Variants in HEPH observed in about 807,000 individuals in gnomAD.
HEPH encodes the protein hephaestin.
A neutral mutation model predicts 80.8 loss-of-function variants in HEPH; 69 were observed. That is an observed-to-expected ratio of 0.85 (90% CI 0.70 to 1.04). The LOEUF is 1.04. Ranked by LOEUF, HEPH falls within the 50% of genes least tolerant of loss-of-function variation. HEPH has a pLI of 0.00. For synonymous variants in HEPH, 431 were observed against 322.8 expected (o/e 1.34, Z -3.60); for missense variants, 1,115 against 891.3 (o/e 1.25, Z -3.20).
rs1282633743 is a variant in HEPH at position 66,231,215 on chromosome X, C to T, written c.2563+22969C>T. 5.5e-5 allele frequency among the ~76,000 whole-genome samples: 6 copies of T among 109,090 alleles called. No homozygotes were observed. In the South Asian group the frequency reaches 2.0e-3, roughly 36 times the overall value. The allele number at this position is 109,090 out of a possible 115,157, so 94.7% of individuals were successfully genotyped here. A position where few individuals can be genotyped will look rare whatever the true frequency, so the allele number is the denominator to read the frequency against. ...TAGTTTGAAGTCAGGTAGTGTGATG[C>T]CTCCAGCTTTGTTCTTTTGGCTTAG... On this transcript the variant is annotated intron_variant, in intron 15 of 20. Transcript: ENST00000343002.
intron 6 of HEPH, among the ~76,000 whole-genome samples, chrX:66,190,931 C>T: frequency 9.0e-6 from 1 of 111,572 alleles, no homozygotes. Flanking sequence ...GACAGACATG[C>T]TTGGATTCAA....
chrX:66,222,038 G>T (rs1375744916), intron 15 of HEPH, among the ~76,000 whole-genome samples: 2 of 112,882 alleles, frequency 1.8e-5, no homozygotes, highest in Non-Finnish European at 3.7e-5. Context: ...TTATTTGGCA[G>T]AGTGCCCAGT....
chrX:66,178,490 T>G (rs1382636528), intron 4 of HEPH, among the ~76,000 whole-genome samples: 1 of 112,588 alleles, frequency 8.9e-6, no homozygotes, highest in Non-Finnish European at 1.9e-5. Flanking sequence ...AAATGGCATT[T>G]CTAGTTCTAG....
intron 7 of HEPH, among the ~76,000 whole-genome samples, 157 bp downstream of exon 7, chrX:66,192,455 C>T (rs951178429): frequency 9.0e-6 from 1 of 111,625 alleles, no homozygotes; most frequent in Non-Finnish European, 1.9e-5. Context: ...TCTTGTGTCC[C>T]CCTGGAGAGC....
At chrX:66,187,206 C>G (rs2087506709) in intron 4 of HEPH, among the ~76,000 whole-genome samples, 4 of 111,313 alleles carry the variant, frequency 3.6e-5, no homozygotes, top group Non-Finnish European at 7.5e-5. Flanking sequence ...TCTGGTGCCT[C>G]CCTGATTAGC....
chrX:66,242,977 G>A (rs1602494786), intron 15 of HEPH, among the ~76,000 whole-genome samples: 1 of 111,670 alleles, frequency 9.0e-6, no homozygotes, highest in Admixed American at 9.5e-5. Context: ...AACTTAAAAC[G>A]GAACTACTGT....
rs1569321062 is a variant in HEPH at position 66,198,889 on chromosome X, T to C, written c.1725T>C (p.Asp575=). The C allele has an allele frequency of 8.3e-7, 1 of 1,198,943 alleles. No individual in the cohort carries two copies. The highest frequency in any genetic ancestry group is 1.1e-6 in the Non-Finnish European group (1 of 884,114). The change falls in exon 11 of 21, where the codon GAT becomes GAC. Residue 575 remains aspartate, a synonymous_variant. Coordinates refer to ENST00000343002, the MANE Select transcript of HEPH (RefSeq NM_001367233.3). ...TATTGGGCCTGCAGAAAGGGGTGGATAAAGAATTCTTTCTTCTCTTCACTG... is the reference window on the plus strand; with the variant it reads ...TATTGGGCCTGCAGAAAGGGGTGGACAAAGAATTCTTTCTTCTCTTCACTG... ...LGADGKQKGV[D]KEFFLLFTVL...
chrX:66,169,071 C>T (rs939443590), intron 1 of HEPH, among the ~76,000 whole-genome samples: 3 of 111,109 alleles, frequency 2.7e-5, no homozygotes, highest in African/African-American at 9.8e-5. Flanking sequence ...AGCCACACTT[C>T]CTGGGCTCAA....
chrX:66,178,505 T>C (rs917153687), intron 4 of HEPH, among the ~76,000 whole-genome samples: 5 of 112,533 alleles, frequency 4.4e-5, no homozygotes, highest in East Asian at 2.8e-4. Flanking sequence ...TTCTAGATCC[T>C]TGAGGAATCA....
At chrX:66,223,552 A>G (rs2147949959) in intron 15 of HEPH, among the ~76,000 whole-genome samples, 1 of 111,334 alleles carries the variant, frequency 9.0e-6, no homozygotes, top group African/African-American at 3.3e-5. Flanking sequence ...ACTCTTTTTA[A>G]CCTTTTATAA....
At chrX:66,178,043 C>T (rs964308328) in intron 4 of HEPH, among the ~76,000 whole-genome samples, 8 of 111,596 alleles carry the variant, frequency 7.2e-5, no homozygotes, top group Admixed American at 3.8e-4. Context: ...GTGCTGCACC[C>T]ATTAACTTGT....
intron 15 of HEPH, among the ~76,000 whole-genome samples, chrX:66,217,866 A>G (rs1024369052): frequency 8.9e-6 from 1 of 112,097 alleles, no homozygotes; most frequent in Non-Finnish European, 1.9e-5. Context: ...AAGGGACACC[A>G]AAAGTGAGCA....
At chrX:66,177,901 G>A (rs772644518) in intron 4 of HEPH, among the ~76,000 whole-genome samples, 6 of 109,569 alleles carry the variant, frequency 5.5e-5, no homozygotes, top group African/African-American at 1.7e-4. Context: ...TATCCCAGAG[G>A]TTTGGTTTTT....
At chrX:66,218,671 A>C (rs1302470475) in intron 15 of HEPH, among the ~76,000 whole-genome samples, 1 of 111,063 alleles carries the variant, frequency 9.0e-6, no homozygotes. Flanking sequence ...CTGAGTGAGC[A>C]ATTCCTGTCC....
At chrX:66,237,679 C>T (rs995183304) in intron 15 of HEPH, among the ~76,000 whole-genome samples, 4 of 111,877 alleles carry the variant, frequency 3.6e-5, no homozygotes, top group Non-Finnish European at 5.6e-5. Flanking sequence ...TATCTTTGTT[C>T]ATTTTCTGCC....
At chrX:66,199,337 TC>T (rs1224855747) in intron 11 of HEPH, among the ~76,000 whole-genome samples, 1 of 106,838 alleles carries the variant, frequency 9.4e-6, no homozygotes, top group Non-Finnish European at 1.9e-5. Context: ...TCTCCCCTCT[TC>T]CTTATATTTT....
chrX:66,232,802 C>T (rs1385607932), intron 15 of HEPH, among the ~76,000 whole-genome samples: 1 of 110,812 alleles, frequency 9.0e-6, no homozygotes, highest in East Asian at 2.8e-4. Flanking sequence ...TATATTCTAT[C>T]AGTAAATCTG....
intron 15 of HEPH, among the ~76,000 whole-genome samples, chrX:66,220,771 GAGCCCCCACC>G (rs1362459768): frequency 9.0e-6 from 1 of 110,711 alleles, no homozygotes; most frequent in Non-Finnish European, 1.9e-5. Context: ...TATCATTTAT[GAGCCCCCACC>G]AGTCCTCAGA....
rs1235266880 is a variant in HEPH at position 66,195,201 on chromosome X, A to G, written c.1473A>G (p.Lys491=). Residue 491 remains lysine (K), a synonymous_variant, in exon 9 of 21, where the codon AAA becomes AAG. Coordinates refer to ENST00000343002, the MANE Select transcript of HEPH (RefSeq NM_001367233.3). ...SMQPHGVFYE[K]DYEGTVYNDG... is the part of the protein sequence containing the mutation. Reference sequence around the variant, plus strand: ...AGCCCCATGGGGTCTTTTATGAGAAAGACTATGAAGGCACTGTGTACAATG... The same window carrying G: ...AGCCCCATGGGGTCTTTTATGAGAAGGACTATGAAGGCACTGTGTACAATG... 1.7e-6 allele frequency: 2 copies of G among 1,198,819 alleles called. No homozygotes were observed. The highest frequency in any genetic ancestry group is 2.2e-6 in the Non-Finnish European group (2 of 889,446).
Sources: allele counts gnomAD v4.1 joint callset (sites outside exome capture counted in the v4.1 genomes callset), GRCh38; gene constraint gnomAD v4.1.1; transcripts MANE v1.5; gene names NCBI Gene and HGNC (gene_info 2026-07-23, HGNC 2026-07-21).